The following TMEM41B variants were observed in gnomAD, a reference collection of about 807,000 sequenced individuals.
The protein encoded by TMEM41B is transmembrane protein 41B, also known as protein stasimon.
Under a neutral mutation model 31.9 loss-of-function variants are expected in TMEM41B, and 18 were observed. The ratio of observed to expected loss-of-function variants is 0.56; its 90% CI spans 0.39 to 0.84. The LOEUF (loss-of-function observed/expected upper bound fraction) is 0.84. Ranked by LOEUF, TMEM41B falls within the 40% of genes least tolerant of loss-of-function variation. The pLI is 0.00. For synonymous variants in TMEM41B, 144 were observed against 124.3 expected, an observed-to-expected ratio of 1.16 and a Z score of -1.05; for missense variants, 322 against 348.0, an observed-to-expected ratio of 0.93 and a Z score of 0.59.
rs759548768 is a variant in TMEM41B at position 9,314,311 on chromosome 11, G to A, written c.121+10C>T. On this transcript the variant is annotated intron_variant, in intron 1 of 6. Coordinates refer to ENST00000528080, the MANE Select transcript of TMEM41B (RefSeq NM_015012.4). ...GGCCACCCCCAGCTCTGCTCCCCGG[G>A]CCCACTCACCCTTCTGGTGGTCTCT... The A allele has an allele frequency of 2.4e-5, 39 of 1,595,690 alleles. No individual in the cohort carries two copies. The African/African-American group carries it at 4.5e-4, about 18-fold the overall frequency.
chr11:9,289,446 A>G (rs1009705308), intron 3 of TMEM41B, among the ~76,000 whole-genome samples: 1 of 152,028 alleles, frequency 6.6e-6, no homozygotes, highest in Admixed American at 6.6e-5. Flanking sequence ...TCACTCATTA[A>G]CTATTCCTTT....
intron 6 of TMEM41B, 112 bp from the exon 7 acceptor site, chr11:9,283,705 G>GA (rs919084749): frequency 1.3e-4 from 121 of 899,738 alleles, no homozygotes; most frequent in Non-Finnish European, 1.8e-4. Flanking sequence ...TTCCATTTTG[G>GA]AAAAAAAATT....
rs1298981450 is a variant in TMEM41B, at chr11:9,281,731, T to A, written c.*1693A>T. 1 of 152,190 alleles carries A rather than the reference T, an allele frequency of 6.6e-6. No homozygotes were observed. The highest frequency in any genetic ancestry group is 1.9e-4 in the East Asian group (1 of 5,206). 9.4% of individuals were successfully genotyped at this position (152,190 alleles called of 1,614,324 possible). A position where few individuals can be genotyped will look rare whatever the true frequency, so the allele number is the denominator to read the frequency against. On this transcript the variant is annotated 3_prime_UTR_variant, in exon 7 of 7. Coordinates refer to ENST00000528080, the MANE Select transcript of TMEM41B (RefSeq NM_015012.4). ...AGTAGTTGCCATGTGATCAGTTAAT[T>A]TTACTTTGTGAGTTAGATAAAGTAA...
intron 3 of TMEM41B, among the ~76,000 whole-genome samples, chr11:9,290,846 C>T (rs565765288): frequency 6.6e-6 from 1 of 152,152 alleles, no homozygotes; most frequent in African/African-American, 2.4e-5. Flanking sequence ...AGGCTGGGCA[C>T]CGTGGCTCCC....
At position 9,288,643 on chromosome 11, in the gene TMEM41B, A is replaced by C. The variant is rs1590372915; in HGVS notation, c.369-108T>G. The C allele has an allele frequency of 7.8e-6, 6 of 765,970 alleles. No homozygotes were observed. In the East Asian group the frequency reaches 1.7e-4, roughly 22 times the overall value. 47.4% of individuals were successfully genotyped at this position (765,970 alleles called of 1,614,324 possible). Reference sequence around the variant, plus strand: ...AATACAAAAATTATCATACAATGAGATTATATCCAAAGGTCTAGCCTCTAA... The same window carrying C: ...AATACAAAAATTATCATACAATGAGCTTATATCCAAAGGTCTAGCCTCTAA... On this transcript the variant is annotated intron_variant, in intron 3 of 6. Transcript: ENST00000528080.
intron 3 of TMEM41B, among the ~76,000 whole-genome samples, chr11:9,290,439 TACTC>T (rs1185023505): frequency 2.0e-5 from 3 of 151,830 alleles, no homozygotes; most frequent in African/African-American, 4.8e-5. Flanking sequence ...AATGTAGAAA[TACTC>T]AATGTAAATG....
At chr11:9,299,325 T>TACACATACAC (rs1554943937) in intron 2 of TMEM41B, among the ~76,000 whole-genome samples, 1 of 123,144 alleles carries the variant, frequency 8.1e-6, no homozygotes, top group East Asian at 2.5e-4. Context: ...TATACATACA[T>TACACATACAC]ACACACACAC....
intron 1 of TMEM41B, among the ~76,000 whole-genome samples, chr11:9,300,377 A>G (rs1162096065): frequency 2.6e-5 from 4 of 152,174 alleles, no homozygotes; most frequent in Admixed American, 1.3e-4. Flanking sequence ...GCCCCTTTGG[A>G]AAAATGAGGT....
At chr11:9,293,134 T>A (rs1408821463) in intron 3 of TMEM41B, among the ~76,000 whole-genome samples, 1 of 152,204 alleles carries the variant, frequency 6.6e-6, no homozygotes, top group Non-Finnish European at 1.5e-5. Flanking sequence ...TGAGATACAG[T>A]CTCACTGTCA....
intron 2 of TMEM41B, among the ~76,000 whole-genome samples, chr11:9,297,479 G>A (rs1233661878): frequency 6.6e-6 from 1 of 152,052 alleles, no homozygotes; most frequent in Non-Finnish European, 1.5e-5. Context: ...GGATCACGAG[G>A]TCAGGAGTTC....
chr11:9,285,084 CTTT>C (rs1175063671), intron 6 of TMEM41B, among the ~76,000 whole-genome samples: 41 of 128,404 alleles, frequency 3.2e-4, no homozygotes, highest in Admixed American at 1.9e-3. Context: ...TTCTTTCCTT[CTTT>C]CTTTTTTTTT....
intron 1 of TMEM41B, among the ~76,000 whole-genome samples, chr11:9,304,384 T>A (rs1489691322): frequency 6.6e-6 from 1 of 152,110 alleles, no homozygotes; most frequent in East Asian, 1.9e-4. Context: ...GAAAGCATAA[T>A]CAGCAAAAAG....
intron 1 of TMEM41B, among the ~76,000 whole-genome samples, chr11:9,301,718 G>C (rs1229674830): frequency 6.6e-6 from 1 of 152,140 alleles, no homozygotes; most frequent in Non-Finnish European, 1.5e-5. Flanking sequence ...ATCATTACTG[G>C]CTGACCAGAT....
chr11:9,305,973 A>ACTTTT (rs1396765708), intron 1 of TMEM41B, among the ~76,000 whole-genome samples: 11 of 101,546 alleles, frequency 1.1e-4, no homozygotes, highest in African/African-American at 2.3e-4. Context: ...TTACACCAGC[A>ACTTTT]CTTTTCTTTT....
chr11:9,306,429 T>C (rs966255367), intron 1 of TMEM41B, among the ~76,000 whole-genome samples: 2 of 151,952 alleles, frequency 1.3e-5, no homozygotes, highest in Non-Finnish European at 2.9e-5. Flanking sequence ...ACGCCTGTAA[T>C]CCCAGCACTT....
chr11:9,298,369 GA>G (rs2133629437), intron 2 of TMEM41B, among the ~76,000 whole-genome samples: 1 of 150,908 alleles, frequency 6.6e-6, no homozygotes, highest in South Asian at 2.1e-4. Flanking sequence ...TGAGGCAGGA[GA>G]ATCGCTTGAA....
At chr11:9,299,282 C>CAAAAA (rs1180036082) in intron 2 of TMEM41B, among the ~76,000 whole-genome samples, 484 of 41,140 alleles carry the variant, frequency 0.012, 8 homozygotes, top group Non-Finnish European at 0.014. Flanking sequence ...GACTCTGTCT[C>CAAAAA]AAAAAAAAAA....
chr11:9,310,975 T>TA (rs1237891926), intron 1 of TMEM41B, among the ~76,000 whole-genome samples: 6 of 152,124 alleles, frequency 3.9e-5, no homozygotes, highest in Admixed American at 2.0e-4. Flanking sequence ...TAAGCAGAAG[T>TA]AAAAAATCAC....
rs569449114 is a variant in TMEM41B at position 9,304,664 on chromosome 11, AT to A, written c.122-4964del. On this transcript the variant is annotated intron_variant, in intron 1 of 6. Coordinates refer to ENST00000528080, the MANE Select transcript of TMEM41B (RefSeq NM_015012.4). ...CCATGTCTGCTTAATTAATTAATTA[AT>A]TTTTTTTTTTTGAGATGGAGTCTCA... is the stretch of plus-strand genomic sequence containing the variant. Among the ~76,000 whole-genome samples the A allele has an allele frequency of 1.4e-3, 210 of 146,034 alleles. 2 individuals are homozygous for A. Among genetic ancestry groups the A allele is most frequent in the South Asian group, 7.2e-3 (33 of 4,578 alleles).
Sources: allele counts gnomAD v4.1 joint callset (sites outside exome capture counted in the v4.1 genomes callset), GRCh38; gene constraint gnomAD v4.1.1; transcripts MANE v1.5; gene names NCBI Gene and HGNC (gene_info 2026-07-23, HGNC 2026-07-21).